The following TNKS variants were observed in gnomAD, a reference collection of about 807,000 sequenced individuals.
The protein encoded by TNKS is tankyrase, also known as poly [ADP-ribose] polymerase tankyrase-1.
Under a neutral mutation model 135.8 loss-of-function variants are expected in TNKS, and 72 were observed. The ratio of observed to expected loss-of-function variants is 0.53; its 90% CI spans 0.44 to 0.64. TNKS has a LOEUF of 0.64. Among genes scored for constraint, TNKS ranks in the 30% least tolerant of loss-of-function variants. The pLI is 0.00. For synonymous variants in TNKS, 849 were observed against 649.3 expected (o/e 1.31, Z -4.68); for missense variants, 1,769 against 1,674.0 (o/e 1.06, Z -0.99).
chr8:9,556,049 C>T lies in TNKS; in HGVS notation c.110C>T (p.Pro37Leu), dbSNP rs1174664920. The T allele has an allele frequency of 1.2e-6, 2 of 1,610,334 alleles. No homozygotes were observed. The highest frequency in any genetic ancestry group is 1.1e-5 in the South Asian group (1 of 90,898). ...CCGCCACCTCCTCCCCCACTCAGCC[C>T]TGGCCTGGCCCCGGGGACCACCCCA... ...PPPPPPPPLS[P>L]GLAPGTTPAS... The change falls in exon 1 of 27, where the codon CCT (proline) becomes CTT (leucine). Residue 37 changes from proline (P) to leucine (L), a missense_variant. By Grantham distance (98) the Pro-to-Leu change is moderately conservative (BLOSUM62 -3). Around this residue, in one of 5 missense-constraint regions of TNKS, gnomAD observed 450 missense variants for 304.9 expected, o/e 1.48. Transcript: ENST00000310430.
At chr8:9,697,147 C>T (rs1299652660) in intron 5 of TNKS, among the ~76,000 whole-genome samples, 1 of 152,156 alleles carries the variant, frequency 6.6e-6, no homozygotes, top group Non-Finnish European at 1.5e-5. Context: ...AATTAAGCCA[C>T]ATACCTATAA....
At chr8:9,728,765 A>G (rs1472364388) in intron 13 of TNKS, among the ~76,000 whole-genome samples, 5 of 152,202 alleles carry the variant, frequency 3.3e-5, no homozygotes, top group Non-Finnish European at 5.9e-5. Context: ...TCACATTACA[A>G]TGGCTCTTCA....
chr8:9,556,222 A>G lies in TNKS; in HGVS notation c.283A>G (p.Thr95Ala). The change falls in exon 1 of 27, where the codon ACA becomes GCA. Residue 95 changes from threonine to alanine, a missense_variant. Transcript: ENST00000310430. Reference sequence around the variant, plus strand: ...TACCAGCTGTTGCAGTACCACCAGCACAATCTGTACCGTCGCCGCCGCTCC... The same window carrying G: ...TACCAGCTGTTGCAGTACCACCAGCGCAATCTGTACCGTCGCCGCCGCTCC... ...DGTSCCSTTS[T>A]ICTVAAAPVV... 6.2e-7 allele frequency: 1 copy of G among 1,614,152 alleles called. No individual in the cohort carries two copies. The highest frequency in any genetic ancestry group is 1.1e-5 in the South Asian group (1 of 91,088).
At chr8:9,614,066 A>G (rs759438710) in intron 2 of TNKS, among the ~76,000 whole-genome samples, 1 of 152,218 alleles carries the variant, frequency 6.6e-6, no homozygotes, top group Non-Finnish European at 1.5e-5. Context: ...AGTTAGAGAT[A>G]GTTATCAGCT....
intron 2 of TNKS, among the ~76,000 whole-genome samples, chr8:9,586,834 A>C (rs959242739): frequency 6.6e-6 from 1 of 151,832 alleles, no homozygotes; most frequent in East Asian, 1.9e-4. Context: ...GTTATCAGCA[A>C]TAGGGAAGAC....
chr8:9,751,059 C>T (rs570148512), intron 18 of TNKS, among the ~76,000 whole-genome samples: 15 of 133,318 alleles, frequency 1.1e-4, no homozygotes, highest in East Asian at 6.8e-4. Flanking sequence ...AAACCACATT[C>T]GGCGGGTAGG....
intron 11 of TNKS, among the ~76,000 whole-genome samples, chr8:9,718,034 C>A (rs1474732381): frequency 6.6e-6 from 1 of 151,484 alleles, no homozygotes; most frequent in Non-Finnish European, 1.5e-5. Context: ...ATTAGTTAGT[C>A]CAAAAGGTAC....
rs1320324124 is a variant in TNKS, at chr8:9,779,729, G to A, written c.*2993G>A. On this transcript the variant is annotated 3_prime_UTR_variant, in exon 27 of 27. Coordinates refer to ENST00000310430, the MANE Select transcript of TNKS (RefSeq NM_003747.3). ...AGCTTTTGTATCACAACCAGGAATG[G>A]GTATTAGGCCTCATGCGCTTTGCTC... 1.3e-5 allele frequency: 2 copies of A among 152,162 alleles called. No individual in the cohort carries two copies. Among genetic ancestry groups the A allele is most frequent in the African/African-American group, 4.8e-5 (2 of 41,422 alleles). The allele number at this position is 152,162 out of a possible 1,614,324, so 9.4% of individuals were successfully genotyped here.
chr8:9,607,828 C>G (rs1346747309), intron 2 of TNKS, among the ~76,000 whole-genome samples: 1 of 152,134 alleles, frequency 6.6e-6, no homozygotes, highest in Non-Finnish European at 1.5e-5. Flanking sequence ...AGTAATTTTA[C>G]TGCTTTGTCA....
chr8:9,633,788 G>A (rs1800389556), intron 3 of TNKS, among the ~76,000 whole-genome samples: 1 of 152,194 alleles, frequency 6.6e-6, no homozygotes, highest in South Asian at 2.1e-4. Flanking sequence ...CCAGTAGCCA[G>A]TGAGAAACTG....
Position 9,615,684 on chromosome 8 carries a change from A to G in TNKS, c.994+7A>G, listed in dbSNP as rs994986693. 4.4e-6 allele frequency: 7 copies of G among 1,602,618 alleles called. No individual in the cohort carries two copies. In the African/African-American group the frequency reaches 8.0e-5, roughly 18 times the overall value. ...GCAAAAGCTGTCCTTACAGGTAAGA[A>G]GACAGAGAGCTACCGAATGATTATA... On this transcript the variant is annotated splice_region_variant and intron_variant, in intron 3 of 26. Transcript: ENST00000310430.
In TNKS at chr8:9,556,611, A is replaced by G. The variant is rs564904610; in HGVS notation, c.672A>G (p.Ala224=). Residue 224 remains alanine, a splice_region_variant and synonymous_variant, in exon 1 of 27, where the codon GCA becomes GCG. Transcript: ENST00000310430. ...GRKSSPLHFA[A]GFGRKDVVEH... is the part of the protein sequence containing the mutation. ...AGTCTTCTCCCCTGCACTTCGCTGCAGGTCAGAGACTTTTGAATTGTTTAT... is the reference window on the plus strand; with the variant it reads ...AGTCTTCTCCCCTGCACTTCGCTGCGGGTCAGAGACTTTTGAATTGTTTAT... 5.0e-6 allele frequency: 8 copies of G among 1,613,330 alleles called. No individual in the cohort carries two copies. In the African/African-American group the frequency reaches 6.7e-5, roughly 13 times the overall value.
At chr8:9,575,374 G>A in intron 1 of TNKS, 2 of 985,228 alleles carry the variant, frequency 2.0e-6, no homozygotes, top group Non-Finnish European at 2.4e-6. Context: ...ACCGCGCCCG[G>A]CGGATAATTT....
intron 3 of TNKS, among the ~76,000 whole-genome samples, chr8:9,643,069 G>A (rs934125075): frequency 6.9e-6 from 1 of 145,798 alleles, no homozygotes; most frequent in Non-Finnish European, 1.5e-5. Context: ...GGGGTTGCCC[G>A]TGTTTTTCAC....
intron 2 of TNKS, among the ~76,000 whole-genome samples, chr8:9,604,233 G>A (rs1194650854): frequency 6.6e-6 from 1 of 151,932 alleles, no homozygotes; most frequent in Non-Finnish European, 1.5e-5. Flanking sequence ...AAGTTTTGGA[G>A]ATTTCATCCC....
intron 3 of TNKS, among the ~76,000 whole-genome samples, chr8:9,617,766 C>A (rs772034407): frequency 9.2e-5 from 14 of 152,090 alleles, no homozygotes; most frequent in Non-Finnish European, 1.9e-4. Flanking sequence ...ATATGTCATT[C>A]TTTATTTTTA....
intron 2 of TNKS, among the ~76,000 whole-genome samples, chr8:9,613,522 T>A (rs1404919634): frequency 6.6e-6 from 1 of 152,218 alleles, no homozygotes. Flanking sequence ...TGAAATATGG[T>A]TAAATATTTT....
chr8:9,642,145 C>T (rs13270222), intron 3 of TNKS, among the ~76,000 whole-genome samples: 138,918 of 145,414 alleles, frequency 0.96, 67,250 homozygotes, highest in East Asian at 1. Flanking sequence ...AACTGCAAAC[C>T]GCTTAGGTAG....
rs184665943 is a variant in TNKS at position 9,726,482 on chromosome 8, G to A, written c.1922-159G>A. Among the ~76,000 whole-genome samples, 986 of 152,242 alleles carry A rather than the reference G, an allele frequency of 6.5e-3. 5 individuals are homozygous for A. Among genetic ancestry groups the A allele is most frequent in the Middle Eastern group, 0.017 (5 of 294 alleles). ...CCTAGGTTTGTATAACAAATCTATG[G>A]CAAAGTTTTGCTACAACATTTAGTA... is the stretch of plus-strand genomic sequence containing the variant. On this transcript the variant is annotated intron_variant, in intron 12 of 26. Transcript: ENST00000310430.
Sources: gnomAD v4.1 joint callset for allele counts (sites outside exome capture counted in the v4.1 genomes callset) on GRCh38, gnomAD v4.1.1 for gene constraint, gnomAD v4.1.1 regional missense constraint, MANE v1.5 for transcripts, NCBI Gene and HGNC (gene_info 2026-07-23, HGNC 2026-07-21) for gene names.